Variants in SLC8A1 observed in about 807,000 individuals in gnomAD.
SLC8A1 encodes the protein solute carrier family 8 member A1.
In SLC8A1, 18 loss-of-function variants were observed where a neutral mutation model predicts 68.3. The observed-to-expected ratio is 0.26, with a 90% CI of 0.18 to 0.39. SLC8A1 has a LOEUF of 0.39. Among genes scored for constraint, SLC8A1 ranks in the 10% least tolerant of loss-of-function variants. The pLI, the probability that SLC8A1 is intolerant of heterozygous loss-of-function variation, is 1.00. For missense variants in SLC8A1, 985 were observed against 1,156.7 expected (o/e 0.85, Z 2.15); for synonymous variants, 475 against 415.5 (o/e 1.14, Z -1.74).
At chr2:40,101,320 C>T (rs2125025148) in exon 8 of SLC8A1, 1 of 152,198 alleles carries the variant, frequency 6.6e-6, no homozygotes, top group South Asian at 2.1e-4. Context: ...CCTTTTAGCT[C>T]AGTCAGTCAT....
At chr2:40,141,240 G>A (rs1354731279) in intron 6 of SLC8A1, among the ~76,000 whole-genome samples, 1 of 152,292 alleles carries the variant, frequency 6.6e-6, no homozygotes, top group East Asian at 1.9e-4. Flanking sequence ...ACACTCTGTG[G>A]TAGGCAAGCC....
intron 1 of SLC8A1, among the ~76,000 whole-genome samples, chr2:40,477,920 C>T (rs1381604804): frequency 6.6e-6 from 1 of 152,062 alleles, no homozygotes; most frequent in African/African-American, 2.4e-5. Context: ...GACTGAAGCT[C>T]AGGGAATAAC....
At chr2:40,396,773 A>C (rs891592372) in intron 2 of SLC8A1, among the ~76,000 whole-genome samples, 1 of 130,326 alleles carries the variant, frequency 7.7e-6, no homozygotes, top group Admixed American at 8.0e-5. Flanking sequence ...AAAAAAAAAA[A>C]AAAACAAGAG....
chr2:40,502,907 C>A lies in SLC8A1; in HGVS notation c.-25+9442G>T, dbSNP rs184030196. Among the ~76,000 whole-genome samples the A allele has an allele frequency of 1.8e-4, 28 of 152,036 alleles. No individual in the cohort carries two copies. In the East Asian group the frequency reaches 5.4e-3, roughly 30 times the overall value. On this transcript the variant is annotated intron_variant, in intron 1 of 7. Coordinates refer to the SLC8A1 transcript ENST00000402441. ...TCATCATCGCCTCTTCAATCTTATT[C>A]CTGACTATCTCATACCTAAAAGCTC...
At chr2:40,332,125 TA>T (rs2076477989) in intron 2 of SLC8A1, among the ~76,000 whole-genome samples, 1 of 152,104 alleles carries the variant, frequency 6.6e-6, no homozygotes, top group African/African-American at 2.4e-5. Flanking sequence ...GTGAGTTTTC[TA>T]AACAGAGATT....
intron 2 of SLC8A1, among the ~76,000 whole-genome samples, chr2:40,304,933 T>C (rs1160774223): frequency 1.3e-5 from 2 of 152,134 alleles, no homozygotes; most frequent in African/African-American, 4.8e-5. Flanking sequence ...ACCCCATCCA[T>C]TTGACACTAA....
intron 7 of SLC8A1, among the ~76,000 whole-genome samples, chr2:40,118,846 C>G (rs958804206): frequency 6.6e-6 from 1 of 151,824 alleles, no homozygotes; most frequent in African/African-American, 2.4e-5. Flanking sequence ...GGACAGGTGA[C>G]CTGGTGCTGT....
intron 1 of SLC8A1, among the ~76,000 whole-genome samples, chr2:40,510,631 C>T (rs1403941401): frequency 6.6e-6 from 1 of 152,050 alleles, no homozygotes; most frequent in African/African-American, 2.4e-5. Flanking sequence ...TAGGCCTGTT[C>T]CACTTTAGCA....
In SLC8A1 at chr2:40,342,131, C is replaced by T. The variant is rs138896278; in HGVS notation, c.1808+86342G>A. ...TTTCTTGTTAACCTAGTGAAATTTG[C>T]CTGGTAGAGATACAAATAATTTTTG... On this transcript the variant is annotated intron_variant, in intron 2 of 7. Coordinates refer to ENST00000406785, the Ensembl canonical transcript of SLC8A1. 2.2e-4 allele frequency among the ~76,000 whole-genome samples: 33 copies of T among 152,082 alleles called. No individual in the cohort carries two copies. The East Asian group carries it at 5.8e-3, about 27-fold the overall frequency.
At chr2:40,340,367 C>G (rs1667310593) in intron 2 of SLC8A1, among the ~76,000 whole-genome samples, 3 of 152,114 alleles carry the variant, frequency 2.0e-5, no homozygotes, top group African/African-American at 7.2e-5. Flanking sequence ...TTGAGACCAG[C>G]CTGGCCGACA....
At chr2:40,343,943 G>C (rs1668464170) in intron 2 of SLC8A1, among the ~76,000 whole-genome samples, 1 of 152,066 alleles carries the variant, frequency 6.6e-6, no homozygotes, top group Non-Finnish European at 1.5e-5. Flanking sequence ...ATCAATTGAA[G>C]GTCAAACTAC....
intron 1 of SLC8A1, among the ~76,000 whole-genome samples, chr2:40,501,945 C>A (rs1313292250): frequency 1.3e-5 from 2 of 152,042 alleles, no homozygotes; most frequent in Non-Finnish European, 2.9e-5. Flanking sequence ...TCTGCACCCT[C>A]AATCAAGATC....
intron 2 of SLC8A1, among the ~76,000 whole-genome samples, chr2:40,212,709 C>G (rs1272650359): frequency 2.0e-5 from 3 of 152,224 alleles, no homozygotes; most frequent in Non-Finnish European, 4.4e-5. Flanking sequence ...AGTGAAGACT[C>G]TTCTTCTTTT....
At chr2:40,243,211 A>G (rs975217178) in intron 2 of SLC8A1, among the ~76,000 whole-genome samples, 21 of 152,210 alleles carry the variant, frequency 1.4e-4, no homozygotes, top group African/African-American at 4.8e-4. Flanking sequence ...TCATGAAAAT[A>G]AAGGCCAGGC....
At chr2:40,295,451 T>C (rs1230150161) in intron 2 of SLC8A1, among the ~76,000 whole-genome samples, 9 of 152,170 alleles carry the variant, frequency 5.9e-5, no homozygotes, top group Non-Finnish European at 1.2e-4. Flanking sequence ...GTTATAATGA[T>C]TTGGTGTATA....
At chr2:40,320,086 A>T (rs1387448208) in intron 2 of SLC8A1, among the ~76,000 whole-genome samples, 1 of 152,252 alleles carries the variant, frequency 6.6e-6, no homozygotes, top group Non-Finnish European at 1.5e-5. Flanking sequence ...TATTTGTCTC[A>T]TGTCATCATT....
intron 2 of SLC8A1, among the ~76,000 whole-genome samples, chr2:40,284,346 AAT>A (rs997807511): frequency 2.9e-5 from 4 of 137,576 alleles, no homozygotes; most frequent in South Asian, 4.9e-4. Flanking sequence ...TCTCTATATA[AAT>A]ATATATAGAT....
At chr2:40,283,906 C>G (rs531388952) in intron 2 of SLC8A1, among the ~76,000 whole-genome samples, 1 of 152,254 alleles carries the variant, frequency 6.6e-6, no homozygotes, top group African/African-American at 2.4e-5. Context: ...GGCATATCTA[C>G]TACCCCCCAC....
At chr2:40,314,204 T>G (rs1438285957) in intron 2 of SLC8A1, among the ~76,000 whole-genome samples, 2 of 152,096 alleles carry the variant, frequency 1.3e-5, no homozygotes, top group African/African-American at 4.8e-5. Context: ...TCAAAATTCA[T>G]TTTTTATTTG....
Sources: gnomAD v4.1 joint callset for allele counts (sites outside exome capture counted in the v4.1 genomes callset) on GRCh38, gnomAD v4.1.1 for gene constraint, MANE v1.5 for transcripts, NCBI Gene and HGNC (gene_info 2026-07-23, HGNC 2026-07-21) for gene names.